The following CACNA1C variants were observed in gnomAD, a reference collection of about 807,000 sequenced individuals.
CACNA1C encodes the protein voltage-dependent L-type calcium channel subunit alpha-1C.
In CACNA1C, 30 loss-of-function variants were observed where a neutral mutation model predicts 229.0. The observed-to-expected ratio is 0.13, with a 90% confidence interval of 0.10 to 0.18. CACNA1C has a LOEUF of 0.18. CACNA1C is among the 10% of genes least tolerant of loss of function. The probability of loss-of-function intolerance (pLI) is 1.00; values close to 1 mark genes in which losing one functional copy is unlikely to be tolerated. For missense variants in CACNA1C, 1,658 were observed against 2,845.0 expected (o/e 0.58, Z 9.49); for synonymous variants, 1,114 against 1,132.5 (o/e 0.98, Z 0.33).
intron 9 of CACNA1C, among the ~76,000 whole-genome samples, chr12:2,545,610 A>G (rs1326102178): frequency 6.6e-6 from 1 of 152,252 alleles, no homozygotes; most frequent in East Asian, 1.9e-4. Flanking sequence ...TAAAATAAAT[A>G]GCAAGTAATA....
chr12:2,535,940 A>G lies in CACNA1C; in HGVS notation c.1391-14003A>G, dbSNP rs145151701. ...CATTCATGAAATTATGGGGCTGAAG[A>G]GACACCATGGGGTTGGAGTTAAAAT... On this transcript the variant is annotated intron_variant, in intron 9 of 46. Coordinates refer to ENST00000399655, the MANE Select transcript of CACNA1C (RefSeq NM_000719.7). Among the ~76,000 whole-genome samples, 4 of 152,366 alleles carry G rather than the reference A, an allele frequency of 2.6e-5. No individual in the cohort carries two copies. The East Asian group carries it at 7.7e-4, about 29-fold the overall frequency.
chr12:2,358,251 CTGTGTGTGTGTGTGTGTGTGTGTGTG>C (rs57191390), intron 3 of CACNA1C, among the ~76,000 whole-genome samples: 5,105 of 136,102 alleles, frequency 0.038, 303 homozygotes, highest in African/African-American at 0.13. Flanking sequence ...CGGCGTCCTC[CTGTGTGTGTGTGTGTGTGTGTGTGTG>C]TGTGTGTGTG....
intron 3 of CACNA1C, among the ~76,000 whole-genome samples, chr12:2,163,917 GT>G (rs2096064038): frequency 1.3e-5 from 2 of 152,160 alleles, no homozygotes; most frequent in Non-Finnish European, 2.9e-5. Context: ...GGAGTAAAAA[GT>G]TCACGTTCCC....
At position 2,669,065 on chromosome 12, in the gene CACNA1C, C is replaced by T. The variant is rs373482782; in HGVS notation, c.4726+30C>T. 1.1e-5 allele frequency: 16 copies of T among 1,424,532 alleles called. No homozygotes were observed. In the African/African-American group the frequency reaches 2.1e-4, roughly 19 times the overall value. The allele number at this position is 1,424,532 out of a possible 1,614,324, so 88.2% of individuals were successfully genotyped here. On this transcript the variant is annotated intron_variant, in intron 38 of 46. Coordinates refer to ENST00000399655, the MANE Select transcript of CACNA1C (RefSeq NM_000719.7). ...GGTCGCCCGTGGGCACTGGGAGAGA[C>T]ACTCAGAAGGTCTAGCAGACAATCA...
In CACNA1C at chr12:2,632,984, C is replaced by G. The variant is rs2091200578; in HGVS notation, c.3829-1313C>G. ...GCACCCAGTGCAGGAACTAGGGTAC[C>G]CTGATTTGATCTGCAAGAGTTGCAC... On this transcript the variant is annotated intron_variant, in intron 29 of 46. Coordinates refer to ENST00000399655, the MANE Select transcript of CACNA1C (RefSeq NM_000719.7). This position sits in a 1 kb window ranked among gnomAD's most constrained non-coding sequence, Gnocchi z 4.1. Among the ~76,000 whole-genome samples the G allele has an allele frequency of 6.6e-6, 1 of 152,144 alleles. No individual in the cohort carries two copies. The highest frequency in any genetic ancestry group is 2.1e-4 in the South Asian group (1 of 4,826).
At chr12:2,592,642 C>A (rs1465297819) in intron 18 of CACNA1C, among the ~76,000 whole-genome samples, 4 of 151,724 alleles carry the variant, frequency 2.6e-5, no homozygotes, top group Non-Finnish European at 4.4e-5. Context: ...AGTGTCTAAA[C>A]CTTTGCATGA....
In CACNA1C at chr12:2,653,718, G is replaced by A. The variant is rs975240107; in HGVS notation, c.4075-117G>A. 17 of 834,674 alleles carry A rather than the reference G, an allele frequency of 2.0e-5. No homozygotes were observed. Among genetic ancestry groups the A allele is most frequent in the African/African-American group, 1.5e-4 (9 of 59,942 alleles). 51.7% of individuals were successfully genotyped at this position (834,674 alleles called of 1,614,324 possible). On this transcript the variant is annotated intron_variant, in intron 32 of 46. Transcript: ENST00000399655. This position sits in a 1 kb window ranked among gnomAD's most constrained non-coding sequence, Gnocchi z 4.7. Reference sequence around the variant, plus strand: ...TGTGGGACTCTTGGAAGTGTCCCCCGGCCCAAACCGGGCAATAGCTGATGG... The same window carrying A: ...TGTGGGACTCTTGGAAGTGTCCCCCAGCCCAAACCGGGCAATAGCTGATGG...
chr12:2,230,213 G>C (rs989673665), intron 3 of CACNA1C, among the ~76,000 whole-genome samples: 1 of 152,186 alleles, frequency 6.6e-6, no homozygotes, highest in Non-Finnish European at 1.5e-5. Flanking sequence ...CCGCAGCCCG[G>C]GGGGCGGGCC....
chr12:2,686,537 G>A (rs547574860), intron 45 of CACNA1C, among the ~76,000 whole-genome samples: 1 of 152,336 alleles, frequency 6.6e-6, no homozygotes, highest in African/African-American at 2.4e-5. Flanking sequence ...CACAGCTGCA[G>A]GTTCCACCTG....
chr12:2,649,130 C>T lies in CACNA1C; in HGVS notation c.3945+623C>T, dbSNP rs998357895. Among the ~76,000 whole-genome samples the T allele has an allele frequency of 3.3e-5, 5 of 152,170 alleles. No homozygotes were observed. The highest frequency in any genetic ancestry group is 9.7e-5 in the African/African-American group (4 of 41,424). ...AAGTCCGTTAAAATTAGGCTGCAGCCACTGTTCCGCAGCAAGCTGGAAGCA... is the reference window on the plus strand; with the variant it reads ...AAGTCCGTTAAAATTAGGCTGCAGCTACTGTTCCGCAGCAAGCTGGAAGCA... On this transcript the variant is annotated intron_variant, in intron 31 of 46. Coordinates refer to ENST00000399655, the MANE Select transcript of CACNA1C (RefSeq NM_000719.7). This position sits in a 1 kb window ranked among gnomAD's most constrained non-coding sequence, Gnocchi z 4.4.
intron 25 of CACNA1C, 68 bp from the exon 26 acceptor site, chr12:2,606,916 T>A: frequency 6.4e-7 from 1 of 1,562,380 alleles, no homozygotes; most frequent in Non-Finnish European, 8.8e-7. Flanking sequence ...GCATTCAAGG[T>A]CACTGGCAGG....
intron 3 of CACNA1C, among the ~76,000 whole-genome samples, chr12:2,127,446 A>T (rs1463567563): frequency 6.6e-6 from 1 of 152,184 alleles, no homozygotes; most frequent in Non-Finnish European, 1.5e-5. Flanking sequence ...GAGCTTTATT[A>T]TTGCTATCTC....
intron 7 of CACNA1C, among the ~76,000 whole-genome samples, chr12:2,497,538 A>T (rs2099749204): frequency 6.6e-6 from 1 of 152,118 alleles, no homozygotes; most frequent in African/African-American, 2.4e-5. Context: ...TGTCCACCCC[A>T]TGCCCTTCTG....
intron 3 of CACNA1C, among the ~76,000 whole-genome samples, chr12:2,154,224 CA>C (rs970898694): frequency 2.0e-5 from 3 of 152,192 alleles, no homozygotes; most frequent in Non-Finnish European, 4.4e-5. Flanking sequence ...TAAAAACAAA[CA>C]ACGAAGAAAT....
chr12:2,355,424 C>T (rs950489162), intron 3 of CACNA1C, among the ~76,000 whole-genome samples: 22 of 152,116 alleles, frequency 1.4e-4, no homozygotes, highest in African/African-American at 5.1e-4. Flanking sequence ...TGGGTGCCAC[C>T]GTGGTTCAGT....
chr12:2,024,977 G>A (rs1716056268), intron 1 of CACNA1C, among the ~76,000 whole-genome samples: 2 of 152,142 alleles, frequency 1.3e-5, no homozygotes, highest in South Asian at 4.2e-4. Context: ...GATTGCTCTG[G>A]AGTGCCAACT....
At chr12:2,036,077 G>C (rs530194594) in intron 1 of CACNA1C, among the ~76,000 whole-genome samples, 1 of 152,198 alleles carries the variant, frequency 6.6e-6, no homozygotes, top group Non-Finnish European at 1.5e-5. Context: ...GTTAGGGATG[G>C]TTCCCAAGGA....
At chr12:2,250,043 C>T (rs1462746479) in intron 3 of CACNA1C, among the ~76,000 whole-genome samples, 1 of 152,094 alleles carries the variant, frequency 6.6e-6, no homozygotes, top group Non-Finnish European at 1.5e-5. Flanking sequence ...CTCCTGACCT[C>T]GTGATCCACC....
rs531100750 is a variant in CACNA1C, at chr12:2,649,002, A to C, written c.3945+495A>C. ...TCCTAGCTTCCCTGTGCTTCAAGTG[A>C]AAGGCCACCATAAAAGGTTTCAGCT... On this transcript the variant is annotated intron_variant, in intron 31 of 46. Transcript: ENST00000399655. This position sits in a 1 kb window ranked among gnomAD's most constrained non-coding sequence, Gnocchi z 4.4. Among the ~76,000 whole-genome samples the C allele has an allele frequency of 4.6e-5, 7 of 152,262 alleles. No homozygotes were observed. In the East Asian group the frequency reaches 1.4e-3, roughly 29 times the overall value.
Sources: allele counts gnomAD v4.1 joint callset (sites outside exome capture counted in the v4.1 genomes callset), GRCh38; gene constraint gnomAD v4.1.1; non-coding constraint Gnocchi (gnomAD v3.1); transcripts MANE v1.5; gene names NCBI Gene and HGNC (gene_info 2026-07-23, HGNC 2026-07-21).